The following ADAMTS15 variants were observed in gnomAD, a reference collection of about 807,000 sequenced individuals.
ADAMTS15 encodes ADAM metallopeptidase with thrombospondin type 1 motif 15, also known as A disintegrin and metalloproteinase with thrombospondin motifs 15.
Under a neutral mutation model 79.1 loss-of-function variants are expected in ADAMTS15, and 35 were observed. The observed-to-expected ratio is 0.44, with a 90% confidence interval of 0.34 to 0.59. The LOEUF (loss-of-function observed/expected upper bound fraction) is 0.59, where lower values mean the gene tolerates loss of function less well. Among genes scored for constraint, ADAMTS15 ranks in the 20% least tolerant of loss-of-function variants. The pLI, the probability that ADAMTS15 is intolerant of heterozygous loss-of-function variation, is 0.02. For missense variants in ADAMTS15, 1,324 were observed against 1,318.7 expected (o/e 1.00, Z -0.06); for synonymous variants, 616 against 567.3 (o/e 1.09, Z -1.22).
At chr11:130,450,439 G>C (rs1375113869) in intron 1 of ADAMTS15, 3 of 985,412 alleles carry the variant, frequency 3.0e-6, no homozygotes, top group East Asian at 2.3e-4. Flanking sequence ...TCCCCTCTCT[G>C]TACTGGGCCT....
chr11:130,455,099 A>T (rs765788305), intron 1 of ADAMTS15, among the ~76,000 whole-genome samples: 1 of 152,162 alleles, frequency 6.6e-6, no homozygotes, highest in Non-Finnish European at 1.5e-5. Flanking sequence ...AGCTATGTGC[A>T]CTTAACTTTC....
chr11:130,469,365 C>A lies in ADAMTS15; in HGVS notation c.1646C>A (p.Ala549Asp). ...ARRQCTNPTP[A>D]NGGKYCEGVR... ...AGGCAGTGCACCAACCCCACCCCTG[C>A]CAACGGGGGCAAGTACTGCGAGGGA... Residue 549 changes from alanine (A) to aspartate (D), a missense_variant, in exon 5 of 8, where the codon GCC (alanine) becomes GAC (aspartate). By Grantham distance (126) the Ala-to-Asp change is moderately radical. Transcript: ENST00000299164. 1 of 1,361,702 alleles carries A rather than the reference C, an allele frequency of 7.3e-7. No individual in the cohort carries two copies. The highest frequency in any genetic ancestry group is 2.0e-4 in the Middle Eastern group (1 of 4,982). The allele number at this position is 1,361,702 out of a possible 1,614,324, so 84.4% of individuals were successfully genotyped here. A position where few individuals can be genotyped will look rare whatever the true frequency, so the allele number is the denominator to read the frequency against.
Position 130,462,751 on chromosome 11 carries a change from G to C in ADAMTS15, c.1513G>C (p.Val505Leu). ...EGKLCLKGAC[V>L]ERHNLNKHRV... is the part of the protein sequence containing the mutation. ...CAAGCTCTGCCTCAAAGGGGCCTGC[G>C]TGGAGAGACACAACCTCAACAAGCA... Residue 505 changes from valine (V) to leucine (L), a missense_variant, in exon 4 of 8, where the codon GTG becomes CTG. By Grantham distance (32) the Val-to-Leu change is conservative. Transcript: ENST00000299164. This position sits in a 1 kb window ranked among gnomAD's most constrained non-coding sequence, Gnocchi z 4.3. The C allele has an allele frequency of 6.3e-7, 1 of 1,599,040 alleles. No individual in the cohort carries two copies. Among genetic ancestry groups the C allele is most frequent in the Non-Finnish European group, 8.6e-7 (1 of 1,168,024 alleles).
chr11:130,462,022 C>CCG lies in ADAMTS15; in HGVS notation c.1091-65_1091-64insCG. 2.1e-6 allele frequency: 3 copies of CCG among 1,419,480 alleles called. No individual in the cohort carries two copies. The highest frequency in any genetic ancestry group is 1.8e-4 in the Middle Eastern group (1 of 5,546). The allele number at this position is 1,419,480 out of a possible 1,614,324, so 87.9% of individuals were successfully genotyped here. A position where few individuals can be genotyped will look rare whatever the true frequency, so the allele number is the denominator to read the frequency against. ...CATGGGCTTTCTAGTTCCCCTGCCC[C>CCG]ATTCCTCCCTCCAACCCCCATGTCC... On this transcript the variant is annotated intron_variant, in intron 2 of 7. Transcript: ENST00000299164. The surrounding 1 kb of genome is among the most constrained non-coding windows in gnomAD (Gnocchi z 4.3).
In ADAMTS15 at chr11:130,449,101, G is replaced by C. The variant is rs1212301056; in HGVS notation, c.128G>C (p.Arg43Pro). 1 of 1,581,698 alleles carries C rather than the reference G, an allele frequency of 6.3e-7. No individual in the cohort carries two copies. The highest frequency in any genetic ancestry group is 1.7e-5 in the Admixed American group (1 of 57,602). ...ATTAACGGCCGCCGCTACTACTGGC[G>C]GGGTCCCGAGGACTCCGGGGATCAG... ...PDINGRRYYW[R>P]GPEDSGDQGL... The change falls in exon 1 of 8, where the codon CGG becomes CCG. Residue 43 changes from arginine (R) to proline (P), a missense_variant. Coordinates refer to ENST00000299164, the MANE Select transcript of ADAMTS15 (RefSeq NM_139055.4). The surrounding 1 kb of genome is among the most constrained non-coding windows in gnomAD (Gnocchi z 7.8).
At chr11:130,457,033 G>A (rs61913916) in intron 1 of ADAMTS15, among the ~76,000 whole-genome samples, 11,840 of 152,000 alleles carry the variant, frequency 0.078, 779 homozygotes, top group African/African-American at 0.18. Context: ...AGGAGTTCGA[G>A]AGCAGCCTGG....
intron 5 of ADAMTS15, among the ~76,000 whole-genome samples, chr11:130,470,158 A>ATATATATATATATATATATATGTGTG (rs1565397662): frequency 1.6e-4 from 8 of 50,022 alleles, no homozygotes; most frequent in Non-Finnish European, 1.5e-4. Flanking sequence ...ATATGTGTAT[A>ATATATATATATATATATATATGTGTG]TATATATATA....
Position 130,462,744 on chromosome 11 carries a change from G to A in ADAMTS15, c.1506G>A (p.Gly502=), listed in dbSNP as rs1272146534. The A allele has an allele frequency of 6.2e-7, 1 of 1,601,944 alleles. No homozygotes were observed. The highest frequency in any genetic ancestry group is 8.5e-7 in the Non-Finnish European group (1 of 1,170,354). The change falls in exon 4 of 8, where the codon GGG becomes GGA. Residue 502 remains glycine (G), a synonymous_variant. Transcript: ENST00000299164. This position sits in a 1 kb window ranked among gnomAD's most constrained non-coding sequence, Gnocchi z 4.3. ...GCGAGGGCAAGCTCTGCCTCAAAGGGGCCTGCGTGGAGAGACACAACCTCA... is the reference window on the plus strand; with the variant it reads ...GCGAGGGCAAGCTCTGCCTCAAAGGAGCCTGCGTGGAGAGACACAACCTCA... ...SCGEGKLCLK[G]ACVERHNLNK...
At position 130,462,450 on chromosome 11, in the gene ADAMTS15, C is replaced by T. The variant is rs1356496415; in HGVS notation, c.1259-47C>T. 2 of 1,546,982 alleles carry T rather than the reference C, an allele frequency of 1.3e-6. No individual in the cohort carries two copies. Among genetic ancestry groups the T allele is most frequent in the Non-Finnish European group, 8.8e-7 (1 of 1,142,136 alleles). The stretch of plus-strand genomic sequence containing the variant: ...CCATTCAGATTCTGGGCTAGCCAAA[C>T]CTCATCTTCCCAGCTCATCCTAACG... On this transcript the variant is annotated intron_variant, in intron 3 of 7. Transcript: ENST00000299164. This position sits in a 1 kb window ranked among gnomAD's most constrained non-coding sequence, Gnocchi z 4.3.
At chr11:130,461,445 GTC>G in intron 1 of ADAMTS15, 42 bp from the exon 2 acceptor site, 1 of 1,613,216 alleles carries the variant, frequency 6.2e-7, no homozygotes, top group Non-Finnish European at 8.5e-7. Flanking sequence ...TTCTGTCACT[GTC>G]TCTAACTTCG....
intron 1 of ADAMTS15, among the ~76,000 whole-genome samples, chr11:130,453,921 C>G (rs1292395992): frequency 6.6e-6 from 1 of 152,122 alleles, no homozygotes; most frequent in Non-Finnish European, 1.5e-5. Flanking sequence ...CTCAGTCTCC[C>G]AAGTAGCTGG....
intron 4 of ADAMTS15, among the ~76,000 whole-genome samples, chr11:130,468,327 A>G (rs897104126): frequency 1.3e-5 from 2 of 152,230 alleles, no homozygotes; most frequent in Non-Finnish European, 2.9e-5. Context: ...TGGTGTGGGC[A>G]GAGTCCGTTG....
intron 4 of ADAMTS15, among the ~76,000 whole-genome samples, chr11:130,463,366 C>T (rs892370816): frequency 7.2e-5 from 11 of 152,298 alleles, no homozygotes; most frequent in East Asian, 3.9e-4. Context: ...CTGATAAATA[C>T]GAATAGCAAC....
At chr11:130,464,435 C>A (rs1206749852) in intron 4 of ADAMTS15, among the ~76,000 whole-genome samples, 4 of 152,190 alleles carry the variant, frequency 2.6e-5, no homozygotes, top group Non-Finnish European at 5.9e-5. Context: ...GCATGTCTTA[C>A]AAATCACTGC....
Position 130,449,708 on chromosome 11 carries a change from G to T in ADAMTS15, c.735G>T (p.Leu245=), listed in dbSNP as rs769753243. 1.9e-6 allele frequency: 3 copies of T among 1,611,200 alleles called. No individual in the cohort carries two copies. The highest frequency in any genetic ancestry group is 2.5e-6 in the Non-Finnish European group (3 of 1,178,992). Residue 245 remains leucine (L), a synonymous_variant, in exon 1 of 8, where the codon CTG becomes CTT. Transcript: ENST00000299164. This position sits in a 1 kb window ranked among gnomAD's most constrained non-coding sequence, Gnocchi z 7.8. The stretch of plus-strand genomic sequence containing the variant: ...ACCTGGAACATTATCTGCTGACGCT[G>T]CTGGCAACGGCGGCGCGACTCTACC... The part of the protein sequence containing the change: ...GADLEHYLLT[L]LATAARLYRH...
intron 5 of ADAMTS15, among the ~76,000 whole-genome samples, chr11:130,470,182 G>GTATATATATATATATATATATATATA (rs1407250375): frequency 4.1e-5 from 3 of 72,742 alleles, no homozygotes; most frequent in Non-Finnish European, 7.0e-5. Flanking sequence ...ATATATATAT[G>GTATATATATATATATATATATATATA]TGTGTATATA....
intron 5 of ADAMTS15, among the ~76,000 whole-genome samples, 167 bp downstream of exon 5, chr11:130,469,606 C>T (rs1455231598): frequency 6.6e-6 from 1 of 152,188 alleles, no homozygotes; most frequent in Admixed American, 6.5e-5. Flanking sequence ...GACAAAGGGA[C>T]TGCAGTCAGG....
In ADAMTS15 at chr11:130,449,678, C is replaced by T. The variant is rs757880549; in HGVS notation, c.705C>T (p.Gly235=). The change falls in exon 1 of 8, where the codon GGC becomes GGT. Residue 235 remains glycine (G), a synonymous_variant. Coordinates refer to ENST00000299164, the MANE Select transcript of ADAMTS15 (RefSeq NM_139055.4). This position sits in a 1 kb window ranked among gnomAD's most constrained non-coding sequence, Gnocchi z 7.8. ...VADESMVKFH[G]ADLEHYLLTL... is the part of the protein sequence containing the mutation. Reference sequence around the variant, plus strand: ...ACGAGTCAATGGTCAAGTTCCACGGCGCGGACCTGGAACATTATCTGCTGA... The same window carrying T: ...ACGAGTCAATGGTCAAGTTCCACGGTGCGGACCTGGAACATTATCTGCTGA... The T allele has an allele frequency of 3.1e-6, 5 of 1,602,894 alleles. No individual in the cohort carries two copies. Among genetic ancestry groups the T allele is most frequent in the South Asian group, 2.2e-5 (2 of 89,616 alleles).
At chr11:130,459,358 G>T (rs780208134) in intron 1 of ADAMTS15, among the ~76,000 whole-genome samples, 1 of 152,236 alleles carries the variant, frequency 6.6e-6, no homozygotes, top group East Asian at 1.9e-4. Context: ...TAGAGACAGG[G>T]TCTCACCATG....
Sources: gnomAD v4.1 joint callset for allele counts (sites outside exome capture counted in the v4.1 genomes callset) on GRCh38, gnomAD v4.1.1 for gene constraint, Gnocchi (gnomAD v3.1) non-coding constraint, MANE v1.5 for transcripts, NCBI Gene and HGNC (gene_info 2026-07-23, HGNC 2026-07-21) for gene names.